The following SPIN1 variants were observed in gnomAD, a reference collection of about 807,000 sequenced individuals.
The protein encoded by SPIN1 is spindlin 1.
A neutral mutation model predicts 26.0 loss-of-function variants in SPIN1; 3 were observed. The observed-to-expected ratio is 0.12, with a 90% confidence interval of 0.05 to 0.30. SPIN1 has a LOEUF of 0.30. SPIN1 is among the 10% of genes least tolerant of loss of function. The pLI, the probability that SPIN1 is intolerant of heterozygous loss-of-function variation, is 1.00. For missense variants in SPIN1, 126 were observed against 333.4 expected (o/e 0.38, Z 4.84); for synonymous variants, 101 against 116.5 (o/e 0.87, Z 0.86).
chr9:88,446,760 AC>A (rs1331726536), intron 2 of SPIN1, among the ~76,000 whole-genome samples: 2 of 152,170 alleles, frequency 1.3e-5, no homozygotes, highest in Non-Finnish European at 2.9e-5. Context: ...CTTCAGGCTT[AC>A]GTTGTTTCTG....
At chr9:88,413,421 T>C (rs1222130997) in intron 1 of SPIN1, among the ~76,000 whole-genome samples, 2 of 151,814 alleles carry the variant, frequency 1.3e-5, no homozygotes, top group African/African-American at 2.4e-5. Flanking sequence ...TCTCCCTGTA[T>C]CGCCCAGGCT....
intron 1 of SPIN1, among the ~76,000 whole-genome samples, chr9:88,393,262 T>C (rs1051985227): frequency 2.6e-5 from 4 of 151,796 alleles, no homozygotes; most frequent in African/African-American, 7.3e-5. Flanking sequence ...TGAGATGTTA[T>C]AGTAGCGTGT....
At chr9:88,421,303 G>GTC (rs1827661989) in intron 1 of SPIN1, among the ~76,000 whole-genome samples, 1 of 152,120 alleles carries the variant, frequency 6.6e-6, no homozygotes, top group Non-Finnish European at 1.5e-5. Context: ...GTGTGTGTGT[G>GTC]TGTCTGTGTG....
At chr9:88,425,512 T>C (rs560625583) in intron 1 of SPIN1, among the ~76,000 whole-genome samples, 4 of 152,014 alleles carry the variant, frequency 2.6e-5, no homozygotes, top group African/African-American at 9.6e-5. Context: ...ACCCCATCTT[T>C]ACTAAAAATA....
chr9:88,410,677 A>C, intron 1 of SPIN1: 1 of 1,373,646 alleles, frequency 7.3e-7, no homozygotes, highest in Non-Finnish European at 1.0e-6. Context: ...CGTGGGTCCA[A>C]AATTTGAAGA....
intron 1 of SPIN1, among the ~76,000 whole-genome samples, chr9:88,392,203 G>A (rs919472341): frequency 3.9e-5 from 6 of 151,978 alleles, no homozygotes; most frequent in African/African-American, 1.5e-4. Context: ...TTAATGTTGA[G>A]GTAAACAGTT....
intron 4 of SPIN1, among the ~76,000 whole-genome samples, chr9:88,463,004 A>C (rs1419321180): frequency 6.6e-6 from 1 of 152,184 alleles, no homozygotes; most frequent in Admixed American, 6.5e-5. Context: ...GTTATTTCTA[A>C]CATTTTTGCT....
rs138218230 is a variant in SPIN1 at position 88,472,095 on chromosome 9, C to T, written c.590-2983C>T. On this transcript the variant is annotated intron_variant, in intron 5 of 5. Transcript: ENST00000375859. ...ATTACAGGTGTAAGCCACTGCACCCCGGCCCCTCCTTTCTTTTTCAGGAGT... is the reference window on the plus strand; with the variant it reads ...ATTACAGGTGTAAGCCACTGCACCCTGGCCCCTCCTTTCTTTTTCAGGAGT... Among the ~76,000 whole-genome samples the T allele has an allele frequency of 8.9e-4, 135 of 152,138 alleles. 1 individual carries two copies. The highest frequency in any genetic ancestry group is 3.1e-3 in the African/African-American group (130 of 41,504).
intron 1 of SPIN1, among the ~76,000 whole-genome samples, chr9:88,393,361 A>G (rs1826974178): frequency 6.6e-6 from 1 of 151,506 alleles, no homozygotes; most frequent in African/African-American, 2.4e-5. Flanking sequence ...GATTTAACAA[A>G]TCATATCATA....
intron 3 of SPIN1, among the ~76,000 whole-genome samples, chr9:88,458,809 G>T (rs1828523697): frequency 6.6e-6 from 1 of 152,288 alleles, no homozygotes; most frequent in South Asian, 2.1e-4. Context: ...TGAAGCTGCA[G>T]CACAAACAGC....
intron 2 of SPIN1, among the ~76,000 whole-genome samples, chr9:88,429,624 C>G (rs1237058686): frequency 3.3e-5 from 5 of 152,148 alleles, no homozygotes; most frequent in South Asian, 2.1e-4. Flanking sequence ...GCATCTACCC[C>G]CCTCCAGGAA....
intron 2 of SPIN1, among the ~76,000 whole-genome samples, chr9:88,438,015 G>A (rs765224572): frequency 2.6e-5 from 4 of 152,060 alleles, no homozygotes; most frequent in Non-Finnish European, 5.9e-5. Flanking sequence ...AGCTGGCGTG[G>A]TGATGCGCGC....
At chr9:88,436,242 T>C (rs1164204250) in intron 2 of SPIN1, among the ~76,000 whole-genome samples, 1 of 152,206 alleles carries the variant, frequency 6.6e-6, no homozygotes, top group Non-Finnish European at 1.5e-5. Flanking sequence ...ACTTTCTAGC[T>C]CAGTGTTGAT....
intron 2 of SPIN1, among the ~76,000 whole-genome samples, chr9:88,428,873 A>G (rs1217605864): frequency 1.3e-5 from 2 of 152,110 alleles, no homozygotes; most frequent in Non-Finnish European, 2.9e-5. Flanking sequence ...TTTCTTGCCT[A>G]TTCTCTCTTT....
At chr9:88,456,061 G>C (rs982959644) in intron 3 of SPIN1, among the ~76,000 whole-genome samples, 1 of 152,030 alleles carries the variant, frequency 6.6e-6, no homozygotes, top group Admixed American at 6.6e-5. Flanking sequence ...TTAGTTTCCC[G>C]TGTTAGCAAT....
At chr9:88,411,081 A>C in intron 1 of SPIN1, 1 of 1,549,502 alleles carries the variant, frequency 6.5e-7, no homozygotes, top group East Asian at 2.2e-5. Flanking sequence ...GTTTTTCAGA[A>C]CTGTTTAAAA....
At chr9:88,471,471 T>C (rs1293123372) in intron 5 of SPIN1, among the ~76,000 whole-genome samples, 1 of 151,800 alleles carries the variant, frequency 6.6e-6, no homozygotes, top group African/African-American at 2.4e-5. Context: ...GAGACCAGCC[T>C]GGGCAGCACG....
chr9:88,440,897 C>T (rs1009416311), intron 2 of SPIN1, among the ~76,000 whole-genome samples: 1 of 151,516 alleles, frequency 6.6e-6, no homozygotes, highest in African/African-American at 2.4e-5. Context: ...TTCCCTTTTC[C>T]CTCCCTTCCC....
intron 1 of SPIN1, among the ~76,000 whole-genome samples, chr9:88,399,859 G>A (rs1394716770): frequency 1.3e-5 from 2 of 152,196 alleles, no homozygotes; most frequent in Non-Finnish European, 2.9e-5. Flanking sequence ...CAGGCTACAC[G>A]TAAGGGACCC....
Sources: allele counts gnomAD v4.1 joint callset (sites outside exome capture counted in the v4.1 genomes callset), GRCh38; gene constraint gnomAD v4.1.1; transcripts MANE v1.5; gene names NCBI Gene and HGNC (gene_info 2026-07-23, HGNC 2026-07-21).